Variants in PTPRT observed in about 807,000 individuals in gnomAD.
PTPRT encodes the protein protein tyrosine phosphatase receptor type T.
Under a neutral mutation model 176.8 loss-of-function variants are expected in PTPRT, and 56 were observed. That is an observed-to-expected ratio of 0.32 (90% CI 0.26 to 0.40). The LOEUF (loss-of-function observed/expected upper bound fraction) is 0.40, where lower values mean the gene tolerates loss of function less well. Among genes scored for constraint, PTPRT ranks in the 10% least tolerant of loss-of-function variants. The pLI is 1.00. For synonymous variants in PTPRT, 783 were observed against 739.0 expected (o/e 1.06, Z -0.96); for missense variants, 1,540 against 1,908.2 (o/e 0.81, Z 3.60).
At chr20:42,698,022 C>G (rs971987122) in intron 6 of PTPRT, among the ~76,000 whole-genome samples, 1 of 152,148 alleles carries the variant, frequency 6.6e-6, no homozygotes, top group Non-Finnish European at 1.5e-5. Flanking sequence ...GATCTCTAAT[C>G]GTATCATTCC....
intron 13 of PTPRT, among the ~76,000 whole-genome samples, chr20:42,255,259 G>T (rs544325094): frequency 6.6e-6 from 1 of 152,142 alleles, no homozygotes; most frequent in African/African-American, 2.4e-5. Context: ...CCTGTTAACC[G>T]CAATGTGATT....
chr20:43,054,799 G>T (rs1410557808), intron 1 of PTPRT, among the ~76,000 whole-genome samples: 2 of 152,012 alleles, frequency 1.3e-5, no homozygotes, highest in African/African-American at 2.4e-5. Flanking sequence ...CAGTGGGGGT[G>T]GGGGGAGCAG....
intron 1 of PTPRT, among the ~76,000 whole-genome samples, chr20:42,936,810 A>T (rs1980219265): frequency 6.6e-6 from 1 of 152,218 alleles, no homozygotes; most frequent in East Asian, 1.9e-4. Context: ...ACATAGTTCT[A>T]ATGTTTTGGC....
intron 16 of PTPRT, among the ~76,000 whole-genome samples, chr20:42,172,268 C>T (rs554933347): frequency 5.3e-5 from 8 of 151,912 alleles, no homozygotes; most frequent in African/African-American, 1.9e-4. Flanking sequence ...AGCAGAGGAG[C>T]TGAAAAAAAA....
intron 1 of PTPRT, among the ~76,000 whole-genome samples, chr20:43,153,010 T>A (rs1484711434): frequency 6.6e-6 from 1 of 152,224 alleles, no homozygotes; most frequent in Non-Finnish European, 1.5e-5. Flanking sequence ...TGCTGTTGTA[T>A]GCTAGCCAAG....
At chr20:42,162,597 G>A (rs1333723665) in intron 16 of PTPRT, among the ~76,000 whole-genome samples, 1 of 152,176 alleles carries the variant, frequency 6.6e-6, no homozygotes, top group African/African-American at 2.4e-5. Flanking sequence ...GACAGTCTAT[G>A]CCCCAGACCA....
At chr20:42,564,950 G>T (rs1031267034) in intron 7 of PTPRT, among the ~76,000 whole-genome samples, 4 of 151,958 alleles carry the variant, frequency 2.6e-5, no homozygotes, top group African/African-American at 9.7e-5. Flanking sequence ...TCCAAGGAGG[G>T]TGCCGGAACC....
chr20:42,198,115 T>C (rs1474981307), intron 16 of PTPRT, among the ~76,000 whole-genome samples: 1 of 152,166 alleles, frequency 6.6e-6, no homozygotes, highest in Non-Finnish European at 1.5e-5. Context: ...TGTGCTACAC[T>C]GGAGCTTAGG....
At chr20:43,060,709 C>T (rs1987420555) in intron 1 of PTPRT, among the ~76,000 whole-genome samples, 2 of 152,218 alleles carry the variant, frequency 1.3e-5, no homozygotes, top group Admixed American at 1.3e-4. Flanking sequence ...ACAAGGACCT[C>T]TGTGTTCTCT....
intron 9 of PTPRT, among the ~76,000 whole-genome samples, 194 bp from the exon 10 acceptor site, chr20:42,352,479 C>T (rs2058299629): frequency 1.3e-5 from 2 of 152,096 alleles, no homozygotes; most frequent in Non-Finnish European, 2.9e-5. Flanking sequence ...ATTGCTCACC[C>T]ACTGGAGCAA....
the PTPRT span, among the ~76,000 whole-genome samples, chr20:42,046,609 CATT>C: frequency 6.6e-6 from 1 of 152,210 alleles, no homozygotes; most frequent in Non-Finnish European, 1.5e-5. Flanking sequence ...AGTGACACCT[CATT>C]ATAGGCGCCC....
chr20:42,099,525 G>A (rs961281977), intron 26 of PTPRT, among the ~76,000 whole-genome samples: 6 of 125,506 alleles, frequency 4.8e-5, no homozygotes, highest in African/African-American at 1.5e-4. Context: ...GGAAACAGAG[G>A]CCCAGAGAAA....
At chr20:42,182,777 G>C (rs1424503803) in intron 16 of PTPRT, among the ~76,000 whole-genome samples, 5 of 152,118 alleles carry the variant, frequency 3.3e-5, no homozygotes, top group African/African-American at 1.2e-4. Flanking sequence ...GGGAGATCTA[G>C]TCAATACACT....
chr20:42,584,158 T>C (rs1010902526), intron 7 of PTPRT, among the ~76,000 whole-genome samples: 1 of 152,220 alleles, frequency 6.6e-6, no homozygotes, highest in Non-Finnish European at 1.5e-5. Context: ...ATCTCCCAGC[T>C]GAGCTCTGTC....
intron 9 of PTPRT, among the ~76,000 whole-genome samples, chr20:42,375,428 C>T (rs2058639111): frequency 6.6e-6 from 1 of 152,096 alleles, no homozygotes; most frequent in Non-Finnish European, 1.5e-5. Flanking sequence ...GATGGTTTTG[C>T]CATCGTAAAA....
At chr20:42,505,458 T>C (rs1374576915) in intron 7 of PTPRT, among the ~76,000 whole-genome samples, 2 of 152,002 alleles carry the variant, frequency 1.3e-5, no homozygotes, top group South Asian at 2.1e-4. Flanking sequence ...CCCACCACCA[T>C]GCCTGGGTAA....
chr20:42,200,378 G>A (rs1004809), intron 15 of PTPRT, among the ~76,000 whole-genome samples: 23,775 of 152,136 alleles, frequency 0.16, 2,198 homozygotes, highest in Non-Finnish European at 0.2. Flanking sequence ...ACAGTGCCTC[G>A]CACATAGTGG....
intron 6 of PTPRT, among the ~76,000 whole-genome samples, chr20:42,680,954 C>A (rs775794133): frequency 4.9e-4 from 75 of 152,240 alleles, no homozygotes; most frequent in Non-Finnish European, 9.3e-4. Context: ...AAGAGTAGAC[C>A]ATGTAAGTTT....
chr20:42,917,367 T>C lies in PTPRT; in HGVS notation c.89-31435A>G, dbSNP rs563316559. 5.9e-5 allele frequency among the ~76,000 whole-genome samples: 9 copies of C among 152,316 alleles called. No individual in the cohort carries two copies. In the East Asian group the frequency reaches 1.7e-3, roughly 29 times the overall value. ...CCATGCTGTTTTGGTTACTGTAGTC[T>C]TGTAGTATAGTTTGAAGTCAGGTAG... On this transcript the variant is annotated intron_variant, in intron 1 of 30. Transcript: ENST00000373187.
Sources: allele counts gnomAD v4.1 joint callset (sites outside exome capture counted in the v4.1 genomes callset), GRCh38; gene constraint gnomAD v4.1.1; transcripts MANE v1.5; gene names NCBI Gene and HGNC (gene_info 2026-07-23, HGNC 2026-07-21).